CR2: variants seen among roughly 807,000 people sequenced by gnomAD.
CR2 encodes the protein complement receptor type 2.
CR2 carries 96 observed loss-of-function variants against 123.0 expected under a neutral mutation model. The observed-to-expected ratio is 0.78, with a 90% CI of 0.66 to 0.93. The LOEUF is 0.93. Ranked by LOEUF, CR2 falls within the 40% of genes least tolerant of loss-of-function variation. The pLI, the probability that CR2 is intolerant of heterozygous loss-of-function variation, is 0.00. For missense variants in CR2, 1,258 were observed against 1,361.0 expected (o/e 0.92, Z 1.19); for synonymous variants, 484 against 469.5 (o/e 1.03, Z -0.40).
chr1:207,485,524 T>C lies in CR2; in HGVS notation c.3249T>C (p.Tyr1083=), dbSNP rs771104017. ...EAFHLEAREV[Y]SVDPYNPAS Reference sequence around the variant, plus strand: ...TTCATTTAGAAGCACGAGAAGTATATTCTGTTGATCCATACAACCCAGCCA... The same window carrying C: ...TTCATTTAGAAGCACGAGAAGTATACTCTGTTGATCCATACAACCCAGCCA... Residue 1083 remains tyrosine, a synonymous_variant, in exon 19 of 20, where the codon TAT becomes TAC. Transcript: ENST00000367057. The C allele has an allele frequency of 1.9e-6, 3 of 1,613,196 alleles. No individual in the cohort carries two copies. Among genetic ancestry groups the C allele is most frequent in the Non-Finnish European group, 2.5e-6 (3 of 1,179,180 alleles).
chr1:207,463,723 TTA>T (rs1658021177), intron 1 of CR2, among the ~76,000 whole-genome samples: 2 of 152,208 alleles, frequency 1.3e-5, no homozygotes, highest in African/African-American at 4.8e-5. Context: ...GCGAGATTTC[TTA>T]TCTCTTTGTC....
At chr1:207,459,379 A>T (rs1251822789) in intron 1 of CR2, among the ~76,000 whole-genome samples, 2 of 151,808 alleles carry the variant, frequency 1.3e-5, no homozygotes, top group Non-Finnish European at 2.9e-5. Flanking sequence ...TCACATCATC[A>T]TTCAAAACTT....
Position 207,470,894 on chromosome 1 carries a change from A to T in CR2, c.1380A>T (p.Thr460=), listed in dbSNP as rs762670047. Residue 460 remains threonine (T), a synonymous_variant, in exon 7 of 20, where the codon ACA becomes ACT. Coordinates refer to ENST00000367057, the MANE Select transcript of CR2 (RefSeq NM_001006658.3). ...AGTGTACCTCTGAGGGGGTGTGGACACCCCCTGTACCCCAATGCAAAGGTG... is the reference window on the plus strand; with the variant it reads ...AGTGTACCTCTGAGGGGGTGTGGACTCCCCCTGTACCCCAATGCAAAGGTG... ...SIQCTSEGVW[T]PPVPQCKVAA... The T allele has an allele frequency of 6.2e-7, 1 of 1,613,626 alleles. No individual in the cohort carries two copies. Among genetic ancestry groups the T allele is most frequent in the South Asian group, 1.1e-5 (1 of 91,068 alleles).
In CR2 at chr1:207,469,362, C is replaced by T. The variant is rs1572953470; in HGVS notation, c.817+130C>T. The T allele has an allele frequency of 6.1e-6, 5 of 814,100 alleles. No homozygotes were observed. The East Asian group carries it at 7.6e-5, about 12-fold the overall frequency. 50.4% of individuals were successfully genotyped at this position (814,100 alleles called of 1,614,324 possible). A position where few individuals can be genotyped will look rare whatever the true frequency, so the allele number is the denominator to read the frequency against. Reference sequence around the variant, plus strand: ...GAGATCTTTAAGGATATGTGCTTCACCAAAGCATCCTTATTTTTTGTTTCC... The same window carrying T: ...GAGATCTTTAAGGATATGTGCTTCATCAAAGCATCCTTATTTTTTGTTTCC... On this transcript the variant is annotated intron_variant, in intron 5 of 19. Transcript: ENST00000367057.
At chr1:207,485,836 A>G (rs145675285) in intron 19 of CR2, among the ~76,000 whole-genome samples, 9 of 152,356 alleles carry the variant, frequency 5.9e-5, no homozygotes, top group African/African-American at 1.7e-4. Context: ...TAAGCATTAT[A>G]TAGAGACATA....
At position 207,479,245 on chromosome 1, in the gene CR2, T is replaced by A. The variant is rs747812034; in HGVS notation, c.3089-12T>A. 6.3e-7 allele frequency: 1 copy of A among 1,585,218 alleles called. No homozygotes were observed. The highest frequency in any genetic ancestry group is 2.2e-5 in the East Asian group (1 of 44,756). On this transcript the variant is annotated splice_polypyrimidine_tract_variant and intron_variant, in intron 16 of 19. Coordinates refer to ENST00000367057, the MANE Select transcript of CR2 (RefSeq NM_001006658.3). ...ACTGATAATCATTTTCATGATTTTG[T>A]ACTATTTTTAGGTTCACTTGCTCCT... is the stretch of plus-strand genomic sequence containing the variant.
rs1161914948 is a variant in CR2 at position 207,474,896 on chromosome 1, A to G, written c.2396A>G (p.Tyr799Cys). ...HTGMMAENFL[Y>C]GNEVSYECDQ... The stretch of plus-strand genomic sequence containing the variant: ...GGCATGATGGCAGAAAACTTTCTAT[A>G]TGGAAATGAAGTCTCTTATGAATGT... Residue 799 changes from tyrosine (Y) to cysteine (C), a missense_variant, in exon 14 of 20, where the codon TAT becomes TGT. Transcript: ENST00000367057. 1.9e-6 allele frequency: 3 copies of G among 1,614,078 alleles called. No individual in the cohort carries two copies. The highest frequency in any genetic ancestry group is 2.5e-6 in the Non-Finnish European group (3 of 1,179,968).
At chr1:207,485,786 C>G (rs1195075562) in intron 19 of CR2, among the ~76,000 whole-genome samples, 1 of 152,076 alleles carries the variant, frequency 6.6e-6, no homozygotes, top group Non-Finnish European at 1.5e-5. Flanking sequence ...AAATATTAAA[C>G]TAAATAGCAA....
In CR2 at chr1:207,470,102, G is replaced by A; in HGVS notation, c.1225G>A (p.Glu409Lys). Residue 409 changes from glutamate to lysine, a missense_variant and splice_region_variant, in exon 6 of 20, where the codon GAA becomes AAA. By Grantham distance (56) the Glu-to-Lys change is moderately conservative. Transcript: ENST00000367057. ...GCCATCTGCACCAGTCTGTGAAAAG[G>A]GTGAGTGTTCCGGTACTCAGAAAAG... ...WEPSAPVCEK[E>K]CQAPPNILNG... 1 of 1,613,454 alleles carries A rather than the reference G, an allele frequency of 6.2e-7. No homozygotes were observed. Among genetic ancestry groups the A allele is most frequent in the Non-Finnish European group, 8.5e-7 (1 of 1,179,820 alleles).
At chr1:207,471,715 G>T (rs1042814131) in intron 9 of CR2, 1 of 497,240 alleles carries the variant, frequency 2.0e-6, no homozygotes, top group Non-Finnish European at 3.7e-6. Flanking sequence ...ATTCTATTTT[G>T]TGGTTTACGA....
At chr1:207,467,028 G>A in intron 2 of CR2, 116 bp downstream of exon 2, 1 of 1,274,178 alleles carries the variant, frequency 7.8e-7, no homozygotes, top group Non-Finnish European at 1.1e-6. Flanking sequence ...GAGGGTGGAA[G>A]AAGGAAACAA....
At chr1:207,487,507 C>T (rs767083691) in intron 19 of CR2, among the ~76,000 whole-genome samples, 29 of 152,118 alleles carry the variant, frequency 1.9e-4, no homozygotes, top group African/African-American at 6.0e-4. Flanking sequence ...CCTGACTGGA[C>T]GGAGCTTAAG....
At chr1:207,480,115 G>A (rs1658564179) in intron 18 of CR2, 62 bp downstream of exon 18, 1 of 1,163,704 alleles carries the variant, frequency 8.6e-7, no homozygotes, top group Non-Finnish European at 1.3e-6. Flanking sequence ...CTTCTTGTCT[G>A]AAACTAAACA....
At chr1:207,461,665 G>A (rs1249968019) in intron 1 of CR2, among the ~76,000 whole-genome samples, 2 of 152,118 alleles carry the variant, frequency 1.3e-5, no homozygotes, top group Non-Finnish European at 2.9e-5. Flanking sequence ...AAAATTCAGA[G>A]TAACCAATCT....
intron 8 of CR2, 48 bp from the exon 9 acceptor site, chr1:207,471,375 C>T: frequency 2.8e-6 from 4 of 1,435,794 alleles, no homozygotes; most frequent in Middle Eastern, 1.7e-4. Context: ...TCTTGCCTAA[C>T]TTAATGGTCA....
At chr1:207,468,367 A>T in intron 2 of CR2, 160 bp from the exon 3 acceptor site, 1 of 674,542 alleles carries the variant, frequency 1.5e-6, no homozygotes, top group Non-Finnish European at 2.5e-6. Flanking sequence ...TTTTTAGCTT[A>T]TCAGCTATCA....
intron 14 of CR2, among the ~76,000 whole-genome samples, chr1:207,475,482 A>G (rs1450768503): frequency 6.6e-6 from 1 of 152,214 alleles, no homozygotes; most frequent in African/African-American, 2.4e-5. Context: ...TGTTATTGTT[A>G]TGACTTTAGT....
chr1:207,486,029 G>A (rs900241093), intron 19 of CR2, among the ~76,000 whole-genome samples: 2 of 151,900 alleles, frequency 1.3e-5, no homozygotes, highest in Non-Finnish European at 2.9e-5. Context: ...TCAAGAGTTC[G>A]AGACCACTCT....
chr1:207,466,869 A>C lies in CR2; in HGVS notation c.402A>C (p.Ala134=). ...MNGNKSVWCQ[A]NNMWGPTRLP... ...GAAACAAGTCTGTTTGGTGTCAAGC[A>C]AATAATATGTGGGGGCCGACACGAC... The change falls in exon 2 of 20, where the codon GCA becomes GCC. Residue 134 remains alanine, a synonymous_variant. Transcript: ENST00000367057. 6.2e-7 allele frequency: 1 copy of C among 1,608,188 alleles called. No individual in the cohort carries two copies. The highest frequency in any genetic ancestry group is 8.5e-7 in the Non-Finnish European group (1 of 1,177,456).
Sources: gnomAD v4.1 joint callset for allele counts (sites outside exome capture counted in the v4.1 genomes callset) on GRCh38, gnomAD v4.1.1 for gene constraint, MANE v1.5 for transcripts, NCBI Gene and HGNC (gene_info 2026-07-23, HGNC 2026-07-21) for gene names.